The following TMEM132D variants were observed in gnomAD, a reference collection of about 807,000 sequenced individuals.
TMEM132D encodes mature OL transmembrane protein.
Under a neutral mutation model 62.3 loss-of-function variants are expected in TMEM132D, and 21 were observed. That is an observed-to-expected ratio of 0.34 (90% CI 0.24 to 0.49). The LOEUF (loss-of-function observed/expected upper bound fraction) is 0.49. Ranked by LOEUF, TMEM132D falls within the 20% of genes least tolerant of loss-of-function variation. The probability of loss-of-function intolerance (pLI) is 0.99; values close to 1 mark genes in which losing one functional copy is unlikely to be tolerated. For synonymous variants in TMEM132D, 621 were observed against 575.6 expected (o/e 1.08, Z -1.13); for missense variants, 1,346 against 1,402.8 (o/e 0.96, Z 0.65).
chr12:129,463,816 A>G (rs1245647028), intron 3 of TMEM132D, among the ~76,000 whole-genome samples: 4 of 151,984 alleles, frequency 2.6e-5, no homozygotes, highest in Non-Finnish European at 1.5e-5. Flanking sequence ...ATCATTTTTT[A>G]TGGCTGCATA....
chr12:129,730,601 T>C (rs776002492), intron 1 of TMEM132D, among the ~76,000 whole-genome samples: 2 of 152,064 alleles, frequency 1.3e-5, no homozygotes, highest in South Asian at 4.1e-4. Flanking sequence ...AACTGAAGGA[T>C]GCAAAGTATC....
intron 3 of TMEM132D, among the ~76,000 whole-genome samples, chr12:129,488,446 G>C (rs1228446092): frequency 6.6e-6 from 1 of 152,190 alleles, no homozygotes; most frequent in African/African-American, 2.4e-5. Context: ...GCTGAGGCAG[G>C]TGGATCACTT....
chr12:129,086,199 C>CGTGT (rs370714970), intron 5 of TMEM132D, among the ~76,000 whole-genome samples: 18,322 of 115,750 alleles, frequency 0.16, 1,291 homozygotes, highest in South Asian at 0.22. Context: ...GTCACGCGCG[C>CGTGT]GCGTGTGTGT....
At chr12:129,482,634 T>A (rs150756883) in intron 3 of TMEM132D, among the ~76,000 whole-genome samples, 1 of 152,276 alleles carries the variant, frequency 6.6e-6, no homozygotes, top group East Asian at 1.9e-4. Flanking sequence ...GAAAATCAAA[T>A]GAAGAAAATG....
At chr12:129,237,300 A>T (rs765934788) in intron 4 of TMEM132D, among the ~76,000 whole-genome samples, 14 of 152,096 alleles carry the variant, frequency 9.2e-5, no homozygotes, top group Admixed American at 5.2e-4. Context: ...ATATACAATA[A>T]TCTCTTTCCT....
At chr12:129,154,860 T>G (rs1877187393) in intron 5 of TMEM132D, among the ~76,000 whole-genome samples, 1 of 152,228 alleles carries the variant, frequency 6.6e-6, no homozygotes, top group African/African-American at 2.4e-5. Flanking sequence ...AGTTGCCAAT[T>G]GCTTTCTGAG....
intron 5 of TMEM132D, among the ~76,000 whole-genome samples, chr12:129,127,701 C>T (rs1358199251): frequency 6.6e-6 from 1 of 152,042 alleles, no homozygotes; most frequent in Non-Finnish European, 1.5e-5. Context: ...TCAACAAAAC[C>T]ATGACGAGTA....
intron 3 of TMEM132D, among the ~76,000 whole-genome samples, chr12:129,360,676 G>A (rs1404731290): frequency 3.3e-5 from 5 of 152,158 alleles, no homozygotes; most frequent in Non-Finnish European, 5.9e-5. Flanking sequence ...TGGGTTTGCA[G>A]CGGGAATGCT....
rs1200718260 is a variant in TMEM132D, at chr12:129,431,180, G to A, written c.1116-93363C>T. Among the ~76,000 whole-genome samples, 4 of 152,224 alleles carry A rather than the reference G, an allele frequency of 2.6e-5. No individual in the cohort carries two copies. In the South Asian group the frequency reaches 6.2e-4, roughly 24 times the overall value. The stretch of plus-strand genomic sequence containing the variant: ...TTTAGTTCTCACAAGTAGCCCTTGA[G>A]GTAGCTCCTGCCATTATTCCCTGTT... On this transcript the variant is annotated intron_variant, in intron 3 of 8. Transcript: ENST00000422113.
intron 3 of TMEM132D, among the ~76,000 whole-genome samples, chr12:129,395,408 A>T (rs6486456): frequency 0.078 from 11,862 of 152,110 alleles, 1,101 homozygotes; most frequent in African/African-American, 0.23. Context: ...TGTGGTCTTG[A>T]TGCCCAATCT....
chr12:129,382,517 G>C (rs936024095), intron 3 of TMEM132D, among the ~76,000 whole-genome samples: 1 of 152,144 alleles, frequency 6.6e-6, no homozygotes, highest in East Asian at 1.9e-4. Flanking sequence ...GGTGCAGCCC[G>C]TCTACTGCAG....
At chr12:129,243,731 A>C (rs1049556342) in intron 4 of TMEM132D, among the ~76,000 whole-genome samples, 1 of 152,218 alleles carries the variant, frequency 6.6e-6, no homozygotes, top group Non-Finnish European at 1.5e-5. Flanking sequence ...AAAGTAAATT[A>C]GATTCTTTAA....
chr12:129,554,832 G>A (rs948032375), intron 2 of TMEM132D, among the ~76,000 whole-genome samples: 2 of 152,102 alleles, frequency 1.3e-5, no homozygotes, highest in Non-Finnish European at 2.9e-5. Flanking sequence ...TCTCAAAGAG[G>A]TGGACTCCAA....
chr12:129,303,918 T>C (rs1055366907), intron 4 of TMEM132D, among the ~76,000 whole-genome samples: 19 of 152,076 alleles, frequency 1.2e-4, no homozygotes, highest in Non-Finnish European at 1.5e-5. Flanking sequence ...ACGATGGAAG[T>C]CCCAGCTCAA....
At chr12:129,153,647 C>T (rs1877144577) in intron 5 of TMEM132D, among the ~76,000 whole-genome samples, 1 of 152,142 alleles carries the variant, frequency 6.6e-6, no homozygotes, top group African/African-American at 2.4e-5. Flanking sequence ...ATATAAGTGA[C>T]TTTTGAGAAC....
chr12:129,333,395 A>G (rs1448043728), intron 4 of TMEM132D, among the ~76,000 whole-genome samples: 2 of 152,246 alleles, frequency 1.3e-5, no homozygotes, highest in Non-Finnish European at 2.9e-5. Flanking sequence ...ACGAAAATAT[A>G]AACCATAGGT....
chr12:129,079,253 C>T (rs970341565), intron 7 of TMEM132D, among the ~76,000 whole-genome samples: 8 of 152,152 alleles, frequency 5.3e-5, no homozygotes, highest in Admixed American at 2.0e-4. Flanking sequence ...CTCAATCACG[C>T]GTGTCACTGG....
At chr12:129,206,704 A>G (rs1475122731) in intron 5 of TMEM132D, among the ~76,000 whole-genome samples, 1 of 152,186 alleles carries the variant, frequency 6.6e-6, no homozygotes, top group Non-Finnish European at 1.5e-5. Flanking sequence ...AATTAACCTA[A>G]ATGGCCATCA....
intron 3 of TMEM132D, among the ~76,000 whole-genome samples, chr12:129,373,244 A>G (rs1403106839): frequency 2.6e-5 from 4 of 152,122 alleles, no homozygotes; most frequent in Non-Finnish European, 5.9e-5. Context: ...TCCAACCCTC[A>G]TTCCAATAAT....
Sources: allele counts gnomAD v4.1 joint callset (sites outside exome capture counted in the v4.1 genomes callset), GRCh38; gene constraint gnomAD v4.1.1; transcripts MANE v1.5; gene names NCBI Gene and HGNC (gene_info 2026-07-23, HGNC 2026-07-21).